Variants in SDF4 observed in about 807,000 individuals in gnomAD.
SDF4 encodes 45 kDa calcium-binding protein.
Under a neutral mutation model 34.2 loss-of-function variants are expected in SDF4, and 22 were observed. The ratio of observed to expected loss-of-function variants is 0.64; its 90% CI spans 0.46 to 0.92. SDF4 has a LOEUF of 0.92. Among genes scored for constraint, SDF4 ranks in the 40% least tolerant of loss-of-function variants. The probability of loss-of-function intolerance (pLI) is 0.00; values close to 1 mark genes in which losing one functional copy is unlikely to be tolerated. For synonymous variants in SDF4, 236 were observed against 203.1 expected (o/e 1.16, Z -1.38); for missense variants, 447 against 499.9 (o/e 0.89, Z 1.01).
At chr1:1,220,851 G>T (rs2100971726) in intron 4 of SDF4, 1 of 959,052 alleles carries the variant, frequency 1.0e-6, no homozygotes, top group Non-Finnish European at 1.4e-6. Flanking sequence ...GGACCAACGG[G>T]ATGAAGCTTA....
chr1:1,228,439 C>T lies in SDF4; in HGVS notation c.305+29G>A, dbSNP rs754772042. 6 of 1,559,700 alleles carry T rather than the reference C, an allele frequency of 3.8e-6. No individual in the cohort carries two copies. In the African/African-American group the frequency reaches 6.8e-5, roughly 18 times the overall value. Reference sequence around the variant, plus strand: ...CACAGGCGAGCGCACGCGGACAGCCCCCCAGTCTGGGCACATGGCGGCACC... The same window carrying T: ...CACAGGCGAGCGCACGCGGACAGCCTCCCAGTCTGGGCACATGGCGGCACC... On this transcript the variant is annotated intron_variant, in intron 2 of 6. Coordinates refer to ENST00000360001, the MANE Select transcript of SDF4 (RefSeq NM_016176.6).
At chr1:1,228,362 G>T in intron 2 of SDF4, 106 bp downstream of exon 2, 1 of 1,278,900 alleles carries the variant, frequency 7.8e-7, no homozygotes, top group Non-Finnish European at 1.1e-6. Context: ...AGCCCGGCAG[G>T]TCCCGACACA....
chr1:1,217,528 A>C lies in SDF4; in HGVS notation c.1052T>G (p.Val351Gly), dbSNP rs1649588111. 2 of 1,607,338 alleles carry C rather than the reference A, an allele frequency of 1.2e-6. No homozygotes were observed. Among genetic ancestry groups the C allele is most frequent in the South Asian group, 2.2e-5 (2 of 90,734 alleles). Residue 351 changes from valine to glycine, a missense_variant, in exon 7 of 7, where the codon GTG becomes GGG. Coordinates refer to ENST00000360001, the MANE Select transcript of SDF4 (RefSeq NM_016176.6). The surrounding 1 kb of genome is among the most constrained non-coding windows in gnomAD (Gnocchi z 8.5). ...GSKLVDYARS[V>G]HEEF ...GCCGGGCGCTCAAAACTCCTCGTGC[A>C]CGCTGCGCGCGTAGTCCACCAGCTT...
At chr1:1,220,086 G>T in intron 4 of SDF4, 2 of 986,748 alleles carry the variant, frequency 2.0e-6, no homozygotes, top group Non-Finnish European at 2.4e-6. Flanking sequence ...CCCCAGACAG[G>T]CCGGCCGAGA....
At chr1:1,227,293 G>C (rs971693221) in intron 2 of SDF4, 1 of 152,722 alleles carries the variant, frequency 6.5e-6, no homozygotes, top group African/African-American at 2.4e-5. Context: ...ACCAGGCCCG[G>C]CGGGAAGGCG....
intron 4 of SDF4, among the ~76,000 whole-genome samples, chr1:1,222,134 C>G (rs1650001169): frequency 6.6e-6 from 1 of 152,256 alleles, no homozygotes; most frequent in South Asian, 2.1e-4. Context: ...GAACCCACCC[C>G]AGGATGCCGG....
intron 1 of SDF4, among the ~76,000 whole-genome samples, chr1:1,229,312 T>C (rs1297458508): frequency 6.6e-6 from 1 of 152,206 alleles, no homozygotes; most frequent in East Asian, 1.9e-4. Flanking sequence ...GCTCAGGTGA[T>C]GCTCTCGCCT....
intron 4 of SDF4, chr1:1,219,292 C>G: frequency 3.4e-6 from 4 of 1,180,140 alleles, no homozygotes; most frequent in Non-Finnish European, 4.3e-6. Context: ...CTGGACCCCC[C>G]ACACAGCCCA....
At chr1:1,231,762 G>A (rs1443752070) in intron 1 of SDF4, 130 bp downstream of exon 1, 1 of 152,242 alleles carries the variant, frequency 6.6e-6, no homozygotes, top group Non-Finnish European at 1.5e-5. Context: ...CAGGGCTCAA[G>A]GCCGAGCGGA....
intron 2 of SDF4, among the ~76,000 whole-genome samples, chr1:1,224,892 G>A (rs1275208892): frequency 4.6e-5 from 7 of 152,150 alleles, no homozygotes; most frequent in Non-Finnish European, 7.3e-5. Context: ...CAGCCTGGGC[G>A]GCATACCGAG....
rs79028173 is a variant in SDF4 at position 1,223,682 on chromosome 1, T to C, written c.442+150A>G. On this transcript the variant is annotated intron_variant, in intron 3 of 6. Transcript: ENST00000360001. ...TCTGGCATCATGAACCCAGCTTCCG[T>C]GCACCCCACCACACCTCGGGGTCTC... 77,223 of 760,468 alleles carry C rather than the reference T, an allele frequency of 0.1. 4,485 individuals carry two copies. The highest frequency in any genetic ancestry group is 0.17 in the East Asian group (6,406 of 37,054). The allele number at this position is 760,468 out of a possible 1,614,324, so 47.1% of individuals were successfully genotyped here.
chr1:1,222,060 A>T (rs1395860952), intron 4 of SDF4, among the ~76,000 whole-genome samples: 1 of 152,256 alleles, frequency 6.6e-6, no homozygotes, highest in Middle Eastern at 3.2e-3. Flanking sequence ...CCAGCCTGCC[A>T]GGAGCAGCCC....
Position 1,217,607 on chromosome 1 carries a change from G to A in SDF4, c.973C>T (p.His325Tyr). The change falls in exon 7 of 7, where the codon CAC becomes TAC. Residue 325 changes from histidine to tyrosine, a missense_variant. Transcript: ENST00000360001. This position sits in a 1 kb window ranked among gnomAD's most constrained non-coding sequence, Gnocchi z 8.5. The stretch of plus-strand genomic sequence containing the variant: ...AGCACCTCCTCGGGCTCCAGGTGGT[G>A]GTTCTGGTTCTCGTCGGCGACGGCG... Reference protein sequence around the residue: ...MIAVADENQNHHLEPEEVLKY... With the variant: ...MIAVADENQNYHLEPEEVLKY... 1.2e-6 allele frequency: 2 copies of A among 1,613,794 alleles called. No homozygotes were observed. The highest frequency in any genetic ancestry group is 1.3e-5 in the African/African-American group (1 of 75,042).
intron 2 of SDF4, 26 bp from the exon 3 acceptor site, chr1:1,223,994 G>C: frequency 1.2e-6 from 2 of 1,606,642 alleles, no homozygotes; most frequent in Non-Finnish European, 1.7e-6. Flanking sequence ...TGGGCAGGTG[G>C]CCGTCAGACT....
In SDF4 at chr1:1,228,643, T is replaced by C. The variant is rs1204863830; in HGVS notation, c.130A>G (p.Arg44Gly). Reference sequence around the variant, plus strand: ...GGGGGCAGGATCTCATTCTCCTCCCTGTTGGCTACTCTCTCTCGAGTGGAC... The same window carrying C: ...GGGGGCAGGATCTCATTCTCCTCCCCGTTGGCTACTCTCTCTCGAGTGGAC... The part of the protein sequence containing the change: ...HSSTRERVAN[R>G]EENEILPPDH... The change falls in exon 2 of 7, where the codon AGG becomes GGG. Residue 44 changes from arginine (R) to glycine (G), a missense_variant. Physicochemically the swap from Arg to Gly is moderately radical, Grantham distance 125. Transcript: ENST00000360001. The C allele has an allele frequency of 3.7e-6, 6 of 1,613,086 alleles. No individual in the cohort carries two copies. Among genetic ancestry groups the C allele is most frequent in the East Asian group, 2.2e-5 (1 of 44,894 alleles).
chr1:1,219,836 C>G, intron 4 of SDF4: 1 of 985,876 alleles, frequency 1.0e-6, no homozygotes. Context: ...TCTGCCCTGG[C>G]CGAAGCCCCT....
intron 3 of SDF4, 119 bp downstream of exon 3, chr1:1,223,713 G>T: frequency 1.0e-6 from 1 of 995,908 alleles, no homozygotes; most frequent in Non-Finnish European, 1.5e-6. Context: ...GTCTCCGGCT[G>T]ACACTTCCCC....
intron 4 of SDF4, among the ~76,000 whole-genome samples, chr1:1,222,251 G>A (rs79875872): frequency 0.11 from 17,449 of 152,258 alleles, 1,135 homozygotes; most frequent in East Asian, 0.17. Context: ...GCAACGCCAC[G>A]GTACCCGCTC....
chr1:1,223,698 T>G, intron 3 of SDF4, 134 bp downstream of exon 3: 1 of 860,068 alleles, frequency 1.2e-6, no homozygotes, highest in Non-Finnish European at 1.8e-6. Flanking sequence ...CCACCACACC[T>G]CGGGGTCTCC....
Sources: allele counts gnomAD v4.1 joint callset (sites outside exome capture counted in the v4.1 genomes callset), GRCh38; gene constraint gnomAD v4.1.1; non-coding constraint Gnocchi (gnomAD v3.1); transcripts MANE v1.5; gene names NCBI Gene and HGNC (gene_info 2026-07-23, HGNC 2026-07-21).